Variants in NKAIN2 observed in about 807,000 individuals in gnomAD.
The protein encoded by NKAIN2 is sodium/potassium transporting ATPase interacting 2.
In NKAIN2, 14 loss-of-function variants were observed where a neutral mutation model predicts 32.6. That is an observed-to-expected ratio of 0.43 (90% CI 0.28 to 0.67). The LOEUF (loss-of-function observed/expected upper bound fraction) is 0.67. NKAIN2 is among the 30% of genes least tolerant of loss of function. The pLI, the probability that NKAIN2 is intolerant of heterozygous loss-of-function variation, is 0.17. For missense variants in NKAIN2, 198 were observed against 258.3 expected (o/e 0.77, Z 1.60); for synonymous variants, 80 against 87.2 (o/e 0.92, Z 0.46).
chr6:124,438,754 T>C (rs1040321256), intron 3 of NKAIN2, among the ~76,000 whole-genome samples: 1 of 152,206 alleles, frequency 6.6e-6, no homozygotes, highest in African/African-American at 2.4e-5. Context: ...CAGTCTGTCT[T>C]ACTTGCTGTA....
chr6:124,219,711 G>A (rs1263202835), intron 1 of NKAIN2, among the ~76,000 whole-genome samples: 1 of 152,076 alleles, frequency 6.6e-6, no homozygotes, highest in Non-Finnish European at 1.5e-5. Context: ...GAACCTATAG[G>A]AAGAAGGTAT....
chr6:124,315,069 A>C (rs1034139238), intron 2 of NKAIN2, among the ~76,000 whole-genome samples: 2 of 152,126 alleles, frequency 1.3e-5, no homozygotes, highest in Non-Finnish European at 2.9e-5. Flanking sequence ...AGAAGTAGTA[A>C]TGTGCATTAC....
intron 1 of NKAIN2, among the ~76,000 whole-genome samples, chr6:123,825,741 A>G (rs973323399): frequency 1.3e-5 from 2 of 152,118 alleles, no homozygotes; most frequent in Non-Finnish European, 2.9e-5. Context: ...TTTGTCATCT[A>G]TTAAAATCCC....
chr6:123,931,017 A>AG (rs113732949), intron 1 of NKAIN2, among the ~76,000 whole-genome samples: 1,576 of 151,968 alleles, frequency 0.01, 19 homozygotes, highest in African/African-American at 0.036. Context: ...CCTGCGATGA[A>AG]GGCGGGGCAG....
At chr6:124,434,521 A>C (rs1775355305) in intron 3 of NKAIN2, among the ~76,000 whole-genome samples, 1 of 152,156 alleles carries the variant, frequency 6.6e-6, no homozygotes, top group Non-Finnish European at 1.5e-5. Flanking sequence ...TCCAAAAGAC[A>C]ACAGTAGGTA....
chr6:124,748,395 A>G (rs945840824), intron 4 of NKAIN2, among the ~76,000 whole-genome samples: 6 of 151,932 alleles, frequency 3.9e-5, no homozygotes, highest in African/African-American at 1.4e-4. Flanking sequence ...TAACACCTAC[A>G]GGCACTCTTC....
At chr6:123,976,065 T>C (rs548415905) in intron 1 of NKAIN2, among the ~76,000 whole-genome samples, 7 of 151,472 alleles carry the variant, frequency 4.6e-5, no homozygotes, top group South Asian at 2.1e-4. Context: ...TGCTTTCTTG[T>C]CTGCCACCAT....
intron 4 of NKAIN2, among the ~76,000 whole-genome samples, chr6:124,763,218 T>C (rs542642654): frequency 1.3e-5 from 2 of 152,338 alleles, no homozygotes; most frequent in East Asian, 3.9e-4. Context: ...AGAGATCTAT[T>C]GTACAACATG....
chr6:123,963,384 C>A (rs899721676), intron 1 of NKAIN2, among the ~76,000 whole-genome samples: 1 of 152,104 alleles, frequency 6.6e-6, no homozygotes, highest in African/African-American at 2.4e-5. Context: ...ACAGCTCAAA[C>A]GCCATTGGAA....
intron 4 of NKAIN2, among the ~76,000 whole-genome samples, chr6:124,739,378 ACT>A (rs1277459558): frequency 6.6e-6 from 1 of 151,586 alleles, no homozygotes; most frequent in African/African-American, 2.4e-5. Flanking sequence ...GAGATTAGAG[ACT>A]CTGTCTTATT....
chr6:124,613,630 G>A (rs553724034), intron 3 of NKAIN2, among the ~76,000 whole-genome samples: 44 of 152,302 alleles, frequency 2.9e-4, no homozygotes, highest in Non-Finnish European at 5.4e-4. Flanking sequence ...GCCAAGAAAT[G>A]TCTGGTCCTT....
intron 1 of NKAIN2, among the ~76,000 whole-genome samples, chr6:123,993,144 A>G (rs1208140295): frequency 6.6e-6 from 1 of 152,176 alleles, no homozygotes; most frequent in African/African-American, 2.4e-5. Flanking sequence ...TAGTTGTACC[A>G]TGTTATTGTT....
intron 2 of NKAIN2, among the ~76,000 whole-genome samples, chr6:124,286,881 A>G (rs1016212499): frequency 4.6e-5 from 7 of 151,974 alleles, no homozygotes; most frequent in African/African-American, 1.4e-4. Flanking sequence ...ACGAGGTTTC[A>G]CCATGTTAGC....
chr6:124,026,158 G>C (rs1423121646), intron 1 of NKAIN2, among the ~76,000 whole-genome samples: 1 of 152,102 alleles, frequency 6.6e-6, no homozygotes, highest in Non-Finnish European at 1.5e-5. Context: ...TACAGTTTGG[G>C]GGTTTTTGGG....
At chr6:124,788,584 T>A (rs1217506291) in intron 4 of NKAIN2, among the ~76,000 whole-genome samples, 6 of 151,910 alleles carry the variant, frequency 3.9e-5, no homozygotes, top group Admixed American at 3.9e-4. Context: ...AGGAGAAGAA[T>A]GAGAACAAAG....
At chr6:124,774,841 A>G (rs895565703) in intron 4 of NKAIN2, among the ~76,000 whole-genome samples, 1 of 145,124 alleles carries the variant, frequency 6.9e-6, no homozygotes, top group African/African-American at 2.6e-5. Flanking sequence ...GGGCTAGAAG[A>G]GCAAAACTTC....
At chr6:124,403,256 T>C (rs1773706157) in intron 3 of NKAIN2, among the ~76,000 whole-genome samples, 1 of 152,140 alleles carries the variant, frequency 6.6e-6, no homozygotes, top group South Asian at 2.1e-4. Context: ...CGTTCTCTTT[T>C]AAATTCCATT....
chr6:124,405,358 T>TG (rs146099490), intron 3 of NKAIN2, among the ~76,000 whole-genome samples: 3,122 of 152,210 alleles, frequency 0.021, 118 homozygotes, highest in African/African-American at 0.071. Context: ...CAAATAATGA[T>TG]GTACAGTTTT....
chr6:124,569,656 C>G (rs978445323), intron 3 of NKAIN2, among the ~76,000 whole-genome samples: 2 of 152,136 alleles, frequency 1.3e-5, no homozygotes, highest in Non-Finnish European at 2.9e-5. Context: ...GTAAGAAGTA[C>G]CTTTCACCCT....
Sources: allele counts gnomAD v4.1 joint callset (sites outside exome capture counted in the v4.1 genomes callset), GRCh38; gene constraint gnomAD v4.1.1; transcripts MANE v1.5; gene names NCBI Gene and HGNC (gene_info 2026-07-23, HGNC 2026-07-21).